Variants in RAB27A observed in about 807,000 individuals in gnomAD.
The protein encoded by RAB27A is ras-related protein Rab-27A.
Under a neutral mutation model 20.8 loss-of-function variants are expected in RAB27A, and 17 were observed. The ratio of observed to expected loss-of-function variants is 0.82; its 90% confidence interval spans 0.56 to 1.23. The LOEUF (loss-of-function observed/expected upper bound fraction) is 1.23, where lower values mean the gene tolerates loss of function less well. Ranked by LOEUF, RAB27A falls within the 50% of genes most tolerant of loss-of-function variation. RAB27A has a pLI of 0.00. For synonymous variants in RAB27A, 85 were observed against 92.8 expected, an observed-to-expected ratio of 0.92 and a Z score of 0.48; for missense variants, 277 against 266.7, an observed-to-expected ratio of 1.04 and a Z score of -0.27.
chr15:55,303,845 T>C (rs1373217337), intron 2 of RAB27A, among the ~76,000 whole-genome samples: 1 of 108,716 alleles, frequency 9.2e-6, no homozygotes, highest in African/African-American at 4.3e-5. Context: ...GTGGGGGGGG[T>C]CAGCCCCCCT....
At chr15:55,210,349 A>G (rs1894959947) in intron 6 of RAB27A, among the ~76,000 whole-genome samples, 2 of 148,576 alleles carry the variant, frequency 1.3e-5, no homozygotes, top group Non-Finnish European at 3.0e-5. Flanking sequence ...CCCACCAACA[A>G]TGTACGGGTT....
chr15:55,207,244 A>G (rs8030981), intron 6 of RAB27A, among the ~76,000 whole-genome samples: 47,192 of 152,066 alleles, frequency 0.31, 10,670 homozygotes, highest in African/African-American at 0.64. Flanking sequence ...GTAATATCTG[A>G]TAAAATTGAA....
At chr15:55,293,193 T>G (rs2054932200), upstream of RAB27A, among the ~76,000 whole-genome samples, 1 of 152,156 alleles carries the variant, frequency 6.6e-6, no homozygotes, top group African/African-American at 2.4e-5. Flanking sequence ...TTCATGGATT[T>G]TAATAAATAA....
intron 1 of RAB27A, among the ~76,000 whole-genome samples, chr15:55,314,928 G>C (rs774058930): frequency 2.0e-5 from 3 of 151,990 alleles, no homozygotes; most frequent in Non-Finnish European, 4.4e-5. Flanking sequence ...ATTTCATGTA[G>C]AACCAAAAAA....
chr15:55,311,708 C>G (rs1279682523), intron 2 of RAB27A, among the ~76,000 whole-genome samples: 1 of 152,172 alleles, frequency 6.6e-6, no homozygotes, highest in African/African-American at 2.4e-5. Context: ...GTTTCTCCCC[C>G]TTGAAGAGGA....
intron 3 of RAB27A, among the ~76,000 whole-genome samples, chr15:55,231,731 G>T (rs1896038008): frequency 6.6e-6 from 1 of 152,050 alleles, no homozygotes; most frequent in Non-Finnish European, 1.5e-5. Flanking sequence ...TTGTCAGGAA[G>T]CCCCTTGGAA....
intron 2 of RAB27A, among the ~76,000 whole-genome samples, chr15:55,300,754 G>T (rs565808924): frequency 6.6e-6 from 1 of 152,244 alleles, no homozygotes; most frequent in Non-Finnish European, 1.5e-5. Flanking sequence ...GGGCAGGATG[G>T]TAGGAAATCA....
chr15:55,210,962 A>G (rs903151313), intron 6 of RAB27A, among the ~76,000 whole-genome samples: 1 of 152,174 alleles, frequency 6.6e-6, no homozygotes, highest in African/African-American at 2.4e-5. Flanking sequence ...ATAGGGGTCT[A>G]GTTACATTGT....
Position 55,218,287 on chromosome 15 carries a change from A to G in RAB27A, c.467+5602T>C, listed in dbSNP as rs116112938. Among the ~76,000 whole-genome samples, 885 of 152,324 alleles carry G rather than the reference A, an allele frequency of 5.8e-3. 9 individuals carry two copies. The highest frequency in any genetic ancestry group is 0.02 in the African/African-American group (828 of 41,576). On this transcript the variant is annotated intron_variant, in intron 6 of 6. Transcript: ENST00000336787. ...GGTGTGCTGACTGTTTGAACCTGGG[A>G]TATTGCAGCAAATGAAATCCAGATC...
At chr15:55,309,837 G>A (rs982174321) in intron 2 of RAB27A, among the ~76,000 whole-genome samples, 10 of 152,042 alleles carry the variant, frequency 6.6e-5, no homozygotes, top group Non-Finnish European at 1.2e-4. Context: ...GTATTGCAGG[G>A]GCTACTGCAC....
intron 2 of RAB27A, among the ~76,000 whole-genome samples, chr15:55,263,520 A>G (rs1416336971): frequency 6.6e-6 from 1 of 152,234 alleles, no homozygotes; most frequent in African/African-American, 2.4e-5. Context: ...ACACAGTACT[A>G]TATTTAATTT....
intron 2 of RAB27A, among the ~76,000 whole-genome samples, chr15:55,295,675 G>A (rs1458855862): frequency 1.3e-5 from 2 of 152,242 alleles, no homozygotes; most frequent in South Asian, 2.1e-4. Context: ...GCAGACTAGT[G>A]GTTTCCAGAG....
intron 5 of RAB27A, 32 bp downstream of exon 5, chr15:55,228,577 G>A (rs375211434): frequency 1.8e-5 from 26 of 1,468,208 alleles, no homozygotes; most frequent in African/African-American, 1.3e-4. Flanking sequence ...AGGGGACTGT[G>A]TAGCAGGACA....
intron 2 of RAB27A, among the ~76,000 whole-genome samples, chr15:55,267,634 C>T (rs193084291): frequency 6.6e-6 from 1 of 152,296 alleles, no homozygotes; most frequent in Admixed American, 6.5e-5. Flanking sequence ...TCAGCTATCA[C>T]GTATGCTATA....
At chr15:55,264,194 G>C (rs1482278787) in intron 2 of RAB27A, among the ~76,000 whole-genome samples, 5 of 152,134 alleles carry the variant, frequency 3.3e-5, no homozygotes, top group African/African-American at 1.2e-4. Flanking sequence ...GGGAGTACAG[G>C]CATGCACCAC....
At chr15:55,304,002 C>T (rs2054987003) in intron 2 of RAB27A, among the ~76,000 whole-genome samples, 1 of 151,050 alleles carries the variant, frequency 6.6e-6, no homozygotes, top group Non-Finnish European at 1.5e-5. Flanking sequence ...ATGACAATGG[C>T]GGCTTTGTGG....
intron 6 of RAB27A, among the ~76,000 whole-genome samples, chr15:55,206,853 G>A (rs1047940004): frequency 6.6e-6 from 1 of 151,910 alleles, no homozygotes. Flanking sequence ...TAAAACTTTG[G>A]TGCCACAACA....
chr15:55,220,364 G>A (rs946774787), intron 6 of RAB27A, among the ~76,000 whole-genome samples: 1 of 152,052 alleles, frequency 6.6e-6, no homozygotes, highest in Admixed American at 6.5e-5. Context: ...GCCTTACCAG[G>A]GTTCAAGCGA....
chr15:55,205,798 AC>A, intron 6 of RAB27A, 93 bp from the exon 7 acceptor site: 1 of 1,151,434 alleles, frequency 8.7e-7, no homozygotes, highest in Non-Finnish European at 1.3e-6. Context: ...TCGATAGAAT[AC>A]AAATATACAA....
Sources: gnomAD v4.1 joint callset for allele counts (sites outside exome capture counted in the v4.1 genomes callset) on GRCh38, gnomAD v4.1.1 for gene constraint, MANE v1.5 for transcripts, NCBI Gene and HGNC (gene_info 2026-07-23, HGNC 2026-07-21) for gene names.